Variants in BMAL2 observed in about 807,000 individuals in gnomAD.
BMAL2 encodes the protein basic helix-loop-helix ARNT-like protein 2.
At chr12:27,387,412 C>T in the BMAL2 span, 6 of 823,416 alleles carry the variant, frequency 7.3e-6, no homozygotes, top group South Asian at 3.1e-5. Context: ...CTTCTCCCCA[C>T]TGGGATATGG....
chr12:27,364,052 A>G, the BMAL2 span, among the ~76,000 whole-genome samples: 7 of 152,284 alleles, frequency 4.6e-5, no homozygotes, highest in Admixed American at 2.6e-4. Context: ...GGGCTGCTCC[A>G]TCTGCTTCTA....
the BMAL2 span, among the ~76,000 whole-genome samples, chr12:27,392,487 A>G: frequency 1.4e-5 from 2 of 144,222 alleles, no homozygotes; most frequent in Middle Eastern, 3.2e-3. Context: ...ACATGGCCGT[A>G]TGATGTGAAA....
At chr12:27,419,233 C>A in the BMAL2 span, among the ~76,000 whole-genome samples, 1 of 152,250 alleles carries the variant, frequency 6.6e-6, no homozygotes, top group South Asian at 2.1e-4. Context: ...GTATTTTAGT[C>A]TGTTTTATGC....
At chr12:27,346,012 C>T in the BMAL2 span, among the ~76,000 whole-genome samples, 4 of 152,070 alleles carry the variant, frequency 2.6e-5, no homozygotes, top group Admixed American at 1.3e-4. Flanking sequence ...AGCCAGAAAA[C>T]CTTTCACTTT....
chr12:27,394,751 A>C, the BMAL2 span: 1 of 152,150 alleles, frequency 6.6e-6, no homozygotes, highest in Non-Finnish European at 1.5e-5. Context: ...TGGTATTTGG[A>C]GATTGGGCCT....
the BMAL2 span, among the ~76,000 whole-genome samples, chr12:27,364,748 G>A: frequency 6.6e-6 from 1 of 152,072 alleles, no homozygotes. Context: ...TACATCTTTA[G>A]TATATTGAAG....
the BMAL2 span, chr12:27,401,458 A>G: frequency 6.5e-7 from 1 of 1,543,546 alleles, no homozygotes; most frequent in Middle Eastern, 1.8e-4. Context: ...AGTTTGAATT[A>G]ATCTTCACAA....
the BMAL2 span, among the ~76,000 whole-genome samples, chr12:27,336,208 C>G: frequency 6.6e-6 from 1 of 152,180 alleles, no homozygotes; most frequent in African/African-American, 2.4e-5. Flanking sequence ...TCAGGGACCT[C>G]AGAGTGTGCC....
chr12:27,341,748 G>A, the BMAL2 span, among the ~76,000 whole-genome samples: 1 of 152,074 alleles, frequency 6.6e-6, no homozygotes, highest in Non-Finnish European at 1.5e-5. Flanking sequence ...CTTTTCCTGT[G>A]CAGTTCCATG....
the BMAL2 span, among the ~76,000 whole-genome samples, chr12:27,337,398 C>T: frequency 6.7e-6 from 1 of 149,614 alleles, no homozygotes; most frequent in East Asian, 2.0e-4. Flanking sequence ...ATCTACTACC[C>T]TTCTTGACCA....
At chr12:27,393,617 G>GA in the BMAL2 span, among the ~76,000 whole-genome samples, 2 of 152,212 alleles carry the variant, frequency 1.3e-5, no homozygotes, top group African/African-American at 2.4e-5. Flanking sequence ...TCTTATTTCT[G>GA]AAAAGATCCC....
the BMAL2 span, chr12:27,422,034 T>C: frequency 6.6e-6 from 1 of 152,218 alleles, no homozygotes; most frequent in Non-Finnish European, 1.5e-5. Flanking sequence ...TTTCTAGTTA[T>C]AATTTAAAAT....
chr12:27,409,364 C>T, the BMAL2 span, among the ~76,000 whole-genome samples: 1 of 152,158 alleles, frequency 6.6e-6, no homozygotes, highest in Admixed American at 6.5e-5. Flanking sequence ...GCTACAGTAA[C>T]CAAAACAGCA....
At chr12:27,393,084 C>G in the BMAL2 span, among the ~76,000 whole-genome samples, 2 of 152,096 alleles carry the variant, frequency 1.3e-5, no homozygotes, top group Non-Finnish European at 2.9e-5. Flanking sequence ...GTAAACTTAC[C>G]CAGCCTTCTC....
the BMAL2 span, among the ~76,000 whole-genome samples, chr12:27,362,831 G>A: frequency 8.6e-5 from 13 of 151,704 alleles, no homozygotes; most frequent in Admixed American, 7.2e-4. Context: ...GTTTGTTTTA[G>A]AAGACAGGGT....
At chr12:27,418,182 A>C in the BMAL2 span, 2 of 1,609,828 alleles carry the variant, frequency 1.2e-6, no homozygotes, top group Non-Finnish European at 1.7e-6. Flanking sequence ...GTCCACAGCC[A>C]TGAGCCACTC....
the BMAL2 span, among the ~76,000 whole-genome samples, chr12:27,379,239 G>A: frequency 5.3e-4 from 80 of 152,272 alleles, no homozygotes; most frequent in African/African-American, 1.9e-3. Context: ...GTACATCGCA[G>A]AGAATGCATG....
the BMAL2 span, among the ~76,000 whole-genome samples, chr12:27,381,271 A>T: frequency 3.9e-5 from 6 of 152,314 alleles, no homozygotes; most frequent in East Asian, 9.6e-4. Context: ...ATAAATGTAT[A>T]TGTGTACCTG....
the BMAL2 span, among the ~76,000 whole-genome samples, chr12:27,407,292 T>A: frequency 6.6e-6 from 1 of 152,188 alleles, no homozygotes; most frequent in Admixed American, 6.5e-5. Flanking sequence ...GAATATACAT[T>A]CTTTTCAGCA....
Sources: gnomAD v4.1 joint callset for allele counts (sites outside exome capture counted in the v4.1 genomes callset) on GRCh38, gnomAD v4.1.1 for gene constraint, MANE v1.5 for transcripts, NCBI Gene and HGNC (gene_info 2026-07-23, HGNC 2026-07-21) for gene names.